PRKN: variants seen among roughly 807,000 people sequenced by gnomAD.
PRKN encodes the protein E3 ubiquitin-protein ligase parkin.
In PRKN, 56 loss-of-function variants were observed where a neutral mutation model predicts 59.5. The observed-to-expected ratio is 0.94, with a 90% CI of 0.76 to 1.18. The LOEUF (loss-of-function observed/expected upper bound fraction) is 1.18. PRKN is among the 50% of genes most tolerant of loss of function. The pLI is 0.00. For missense variants in PRKN, 657 were observed against 596.4 expected, an observed-to-expected ratio of 1.10 and a Z score of -1.06; for synonymous variants, 250 against 222.1, an observed-to-expected ratio of 1.13 and a Z score of -1.12.
chr6:161,645,996 G>A (rs1248904372), intron 7 of PRKN, among the ~76,000 whole-genome samples: 13 of 123,460 alleles, frequency 1.1e-4, no homozygotes, highest in African/African-American at 3.4e-4. Context: ...CGTGCGTGGC[G>A]GAGGAGGTGG....
chr6:161,738,219 CTT>C (rs1278491193), intron 7 of PRKN, among the ~76,000 whole-genome samples: 1 of 152,082 alleles, frequency 6.6e-6, no homozygotes, highest in African/African-American at 2.4e-5. Context: ...ATAAGAATAA[CTT>C]ATTACTGAAT....
At chr6:162,553,864 G>C (rs73025321) in intron 1 of PRKN, among the ~76,000 whole-genome samples, 2 of 111,732 alleles carry the variant, frequency 1.8e-5, no homozygotes, top group Non-Finnish European at 4.0e-5. Flanking sequence ...AAAGTGAGTG[G>C]GGAAAAGGCA....
chr6:162,617,763 T>TC (rs1782493125), intron 1 of PRKN, among the ~76,000 whole-genome samples: 1 of 151,884 alleles, frequency 6.6e-6, no homozygotes, highest in Non-Finnish European at 1.5e-5. Flanking sequence ...AAATAATTTT[T>TC]TTTTGTTATG....
In PRKN at chr6:161,369,213, C is replaced by T. The variant is rs1785342018; in HGVS notation, c.1168-9008G>A. On this transcript the variant is annotated intron_variant, in intron 10 of 11. Coordinates refer to ENST00000366898, the MANE Select transcript of PRKN (RefSeq NM_004562.3). This position sits in a 1 kb window ranked among gnomAD's most constrained non-coding sequence, Gnocchi z 5.8. ...TAAATCCTTCTGGAGTGATCTCAAG[C>T]AGTGGCTGGGTGCCCACAGGTTCAA... 6.6e-6 allele frequency among the ~76,000 whole-genome samples: 1 copy of T among 152,216 alleles called. No individual in the cohort carries two copies.
At chr6:161,701,994 T>C (rs1438026188) in intron 7 of PRKN, among the ~76,000 whole-genome samples, 1 of 152,364 alleles carries the variant, frequency 6.6e-6, no homozygotes, top group African/African-American at 2.4e-5. Context: ...ATGATGCTAC[T>C]GCACTTTTAC....
At chr6:162,468,834 T>C (rs1412577722) in intron 1 of PRKN, among the ~76,000 whole-genome samples, 4 of 152,208 alleles carry the variant, frequency 2.6e-5, no homozygotes, top group African/African-American at 9.6e-5. Flanking sequence ...TTTAAATTAA[T>C]ATATTGGATG....
rs900294718 is a variant in PRKN, at chr6:161,480,944, C to T, written c.1083+67910G>A. On this transcript the variant is annotated intron_variant, in intron 9 of 11. Coordinates refer to ENST00000366898, the MANE Select transcript of PRKN (RefSeq NM_004562.3). This position sits in a 1 kb window ranked among gnomAD's most constrained non-coding sequence, Gnocchi z 4.1. ...GATGGTGCAGCTTTCTCCATGGTAA[C>T]CGGGCAAGGAGAAAAGCGCTTCACA... is the stretch of plus-strand genomic sequence containing the variant. 1.1e-4 allele frequency among the ~76,000 whole-genome samples: 17 copies of T among 152,168 alleles called. No homozygotes were observed. The highest frequency in any genetic ancestry group is 3.1e-4 in the African/African-American group (13 of 41,448).
rs148130124 is a variant in PRKN at position 161,396,628 on chromosome 6, G to A, written c.1084-9751C>T. ...AATTTTTAACTGGTCCCTAATCCTCGTGACCTTATCATTTACAATCTGCAG... is the reference window on the plus strand; with the variant it reads ...AATTTTTAACTGGTCCCTAATCCTCATGACCTTATCATTTACAATCTGCAG... On this transcript the variant is annotated intron_variant, in intron 9 of 11. Coordinates refer to ENST00000366898, the MANE Select transcript of PRKN (RefSeq NM_004562.3). This position sits in a 1 kb window ranked among gnomAD's most constrained non-coding sequence, Gnocchi z 5.4. Among the ~76,000 whole-genome samples the A allele has an allele frequency of 5.1e-4, 78 of 152,208 alleles. No homozygotes were observed. The highest frequency in any genetic ancestry group is 1.8e-3 in the African/African-American group (75 of 41,502).
At chr6:162,424,711 G>A (rs1789141430) in intron 2 of PRKN, among the ~76,000 whole-genome samples, 1 of 151,530 alleles carries the variant, frequency 6.6e-6, no homozygotes, top group Admixed American at 6.6e-5. Context: ...TCCCAGCCTG[G>A]GTGACAGAGC....
chr6:162,527,089 A>G lies in PRKN; in HGVS notation c.8-83616T>C, dbSNP rs76622528. 8.0e-3 allele frequency among the ~76,000 whole-genome samples: 1,217 copies of G among 152,332 alleles called. 13 individuals carry two copies. Among genetic ancestry groups the G allele is most frequent in the East Asian group, 0.06 (312 of 5,176 alleles). On this transcript the variant is annotated intron_variant, in intron 1 of 11. Transcript: ENST00000366898. The stretch of plus-strand genomic sequence containing the variant: ...TCTACAAAACAAAGCTCACATTTGC[A>G]TATACTAAGGCTTGTTCTCTGCTTA...
intron 5 of PRKN, among the ~76,000 whole-genome samples, chr6:162,033,746 CTG>C (rs1430487376): frequency 6.6e-6 from 1 of 152,136 alleles, no homozygotes; most frequent in South Asian, 2.1e-4. Flanking sequence ...ATTTGGAAAA[CTG>C]TGTGAGTTAT....
chr6:162,355,726 C>A (rs1409929203), intron 2 of PRKN, among the ~76,000 whole-genome samples: 2 of 145,562 alleles, frequency 1.4e-5, no homozygotes, highest in Non-Finnish European at 3.1e-5. Context: ...AAAAAAAAAA[C>A]ATGGTCAATT....
chr6:161,557,186 C>G (rs1040590565), intron 8 of PRKN, among the ~76,000 whole-genome samples: 1 of 152,166 alleles, frequency 6.6e-6, no homozygotes. Context: ...TGACTCACTG[C>G]TATACTTTCT....
At chr6:162,228,030 C>T (rs1424123369) in intron 3 of PRKN, among the ~76,000 whole-genome samples, 2 of 151,804 alleles carry the variant, frequency 1.3e-5, no homozygotes, top group Non-Finnish European at 2.9e-5. Flanking sequence ...AATGTGCAGA[C>T]ACAATGTTTA....
intron 2 of PRKN, among the ~76,000 whole-genome samples, chr6:162,410,158 C>G (rs933148378): frequency 1.3e-4 from 20 of 152,058 alleles, no homozygotes; most frequent in Non-Finnish European, 1.6e-4. Context: ...GAAAACCACC[C>G]TGCTGTTTTT....
chr6:162,378,424 C>A (rs1786240554), intron 2 of PRKN, among the ~76,000 whole-genome samples: 1 of 152,254 alleles, frequency 6.6e-6, no homozygotes, highest in South Asian at 2.1e-4. Context: ...AATGTGTTTT[C>A]AATGAGGTGG....
intron 1 of PRKN, among the ~76,000 whole-genome samples, chr6:162,583,495 G>A (rs1440536907): frequency 6.6e-6 from 1 of 152,172 alleles, no homozygotes; most frequent in Non-Finnish European, 1.5e-5. Context: ...AAAAGGGCTG[G>A]CTGGTGCTGG....
At chr6:161,660,508 T>C (rs1784504208) in intron 7 of PRKN, among the ~76,000 whole-genome samples, 1 of 152,130 alleles carries the variant, frequency 6.6e-6, no homozygotes, top group Non-Finnish European at 1.5e-5. Flanking sequence ...CAGCTGAAGA[T>C]TCACAAGGAA....
chr6:162,349,311 C>A (rs1784529323), intron 2 of PRKN, among the ~76,000 whole-genome samples: 1 of 151,988 alleles, frequency 6.6e-6, no homozygotes, highest in South Asian at 2.1e-4. Flanking sequence ...ACTAAAAATA[C>A]AAAAATTAGC....
Sources: gnomAD v4.1 joint callset for allele counts (sites outside exome capture counted in the v4.1 genomes callset) on GRCh38, gnomAD v4.1.1 for gene constraint, Gnocchi (gnomAD v3.1) non-coding constraint, MANE v1.5 for transcripts, NCBI Gene and HGNC (gene_info 2026-07-23, HGNC 2026-07-21) for gene names.